Variants in SDHAF2 observed in about 807,000 individuals in gnomAD.
SDHAF2 encodes the protein succinate dehydrogenase assembly factor 2, mitochondrial.
SDHAF2 carries 21 observed loss-of-function variants against 18.5 expected under a neutral mutation model. That is an observed-to-expected ratio of 1.13 (90% CI 0.80 to 1.63). The LOEUF (loss-of-function observed/expected upper bound fraction) is 1.63, where lower values mean the gene tolerates loss of function less well. Ranked by LOEUF, SDHAF2 falls within the 40% of genes most tolerant of loss-of-function variation. The pLI, the probability that SDHAF2 is intolerant of heterozygous loss-of-function variation, is 0.00. For synonymous variants in SDHAF2, 84 were observed against 70.7 expected, an observed-to-expected ratio of 1.19 and a Z score of -0.94; for missense variants, 195 against 200.3, an observed-to-expected ratio of 0.97 and a Z score of 0.16.
At chr11:61,444,660 G>A (rs61897293) in intron 3 of SDHAF2, among the ~76,000 whole-genome samples, 10,283 of 152,204 alleles carry the variant, frequency 0.068, 449 homozygotes, top group Non-Finnish European at 0.098. Flanking sequence ...GGAGAATGGC[G>A]TGAGCCCAGG....
intron 3 of SDHAF2, among the ~76,000 whole-genome samples, chr11:61,443,674 C>T (rs974506361): frequency 6.6e-6 from 1 of 152,154 alleles, no homozygotes; most frequent in Non-Finnish European, 1.5e-5. Flanking sequence ...TGCAGTGGCA[C>T]CCTCTCGGCT....
chr11:61,444,489 CT>C (rs1862112334), intron 3 of SDHAF2: 1 of 152,076 alleles, frequency 6.6e-6, no homozygotes, highest in Non-Finnish European at 1.5e-5. Flanking sequence ...GATCCCAGCA[CT>C]TTGGGAGGCA....
At chr11:61,445,482 A>G (rs945064066) in intron 3 of SDHAF2, among the ~76,000 whole-genome samples, 3 of 152,212 alleles carry the variant, frequency 2.0e-5, no homozygotes, top group African/African-American at 7.2e-5. Flanking sequence ...TGATAGACAA[A>G]GGAGAGAGCT....
chr11:61,438,564 G>A (rs1862026163), intron 3 of SDHAF2, among the ~76,000 whole-genome samples: 1 of 152,158 alleles, frequency 6.6e-6, no homozygotes, highest in South Asian at 2.1e-4. Context: ...TTTTTGTTAA[G>A]TGTACAAAAT....
intron 2 of SDHAF2, 66 bp downstream of exon 2, chr11:61,437,914 A>G: frequency 5.1e-6 from 8 of 1,562,992 alleles, no homozygotes; most frequent in Non-Finnish European, 7.0e-6. Flanking sequence ...GTTCAGAGAG[A>G]CTCCCAGGAG....
chr11:61,439,645 C>G (rs1862039371), intron 3 of SDHAF2, among the ~76,000 whole-genome samples: 4 of 152,212 alleles, frequency 2.6e-5, no homozygotes, highest in Admixed American at 2.6e-4. Context: ...AAGACAGAGT[C>G]TGGAGCCTTA....
Position 61,442,877 on chromosome 11 carries a change from C to T in SDHAF2, c.371-3064C>T, listed in dbSNP as rs529954088. ...CAAGCGATTCTTGTGCCTCAGGCTC[C>T]TGAGCAACTGGGACCACAGGCACGT... On this transcript the variant is annotated intron_variant, in intron 3 of 3. Transcript: ENST00000301761. Among the ~76,000 whole-genome samples the T allele has an allele frequency of 3.3e-5, 5 of 152,320 alleles. No homozygotes were observed. In the East Asian group the frequency reaches 9.6e-4, roughly 29 times the overall value.
At chr11:61,433,230 G>A (rs1019612525) in intron 1 of SDHAF2, 1 of 151,980 alleles carries the variant, frequency 6.6e-6, no homozygotes, top group African/African-American at 2.4e-5. Context: ...AGTAGAGATG[G>A]GGTTTCACTG....
Position 61,438,019 on chromosome 11 carries a change from AC to A in SDHAF2, c.277del (p.His93IlefsTer5), listed in dbSNP as rs1313026088. ...CILLSLFAKE[H>X]LQHMTEKQLN... ...TTGTTTTTAGTCTTTTTGCTAAAGA[AC>A]ATCTGCAGCACATGACAGAAAAGCA... On this transcript the variant is annotated frameshift_variant, in exon 3 of 4. Transcript: ENST00000301761. LOFTEE classifies it high-confidence loss of function. 1 of 1,613,982 alleles carries A rather than the reference AC, an allele frequency of 6.2e-7. No homozygotes were observed. The highest frequency in any genetic ancestry group is 8.5e-7 in the Non-Finnish European group (1 of 1,179,928).
intron 3 of SDHAF2, among the ~76,000 whole-genome samples, chr11:61,443,720 T>A (rs1268263789): frequency 2.6e-5 from 4 of 152,036 alleles, no homozygotes; most frequent in Non-Finnish European, 5.9e-5. Flanking sequence ...CAAGCGATTC[T>A]CCTGCCTCAG....
chr11:61,443,798 G>C (rs544053799), intron 3 of SDHAF2, among the ~76,000 whole-genome samples: 3 of 151,018 alleles, frequency 2.0e-5, no homozygotes, highest in Non-Finnish European at 4.4e-5. Context: ...TTTTTGAGAC[G>C]GAGTCTCACT....
chr11:61,443,935 G>A (rs1277586756), intron 3 of SDHAF2, among the ~76,000 whole-genome samples: 5 of 152,104 alleles, frequency 3.3e-5, no homozygotes, highest in African/African-American at 9.7e-5. Flanking sequence ...CACCACGCCC[G>A]GCTAATTTTT....
At chr11:61,440,717 G>A (rs1018006040) in intron 3 of SDHAF2, among the ~76,000 whole-genome samples, 1 of 152,026 alleles carries the variant, frequency 6.6e-6, no homozygotes, top group South Asian at 2.1e-4. Flanking sequence ...AATATTTTAG[G>A]CTTTGCAGGC....
Position 61,446,115 on chromosome 11 carries a change from T to C in SDHAF2, c.*44T>C. On this transcript the variant is annotated 3_prime_UTR_variant, in exon 4 of 4. Transcript: ENST00000301761. ...GCATGGGGGTTCAGTCTGTGGATGG[T>C]AACTACTTATGATGGACGTTAGCCT... The C allele has an allele frequency of 6.2e-7, 1 of 1,612,388 alleles. No homozygotes were observed. The highest frequency in any genetic ancestry group is 8.5e-7 in the Non-Finnish European group (1 of 1,178,816).
At chr11:61,430,279 C>T in intron 1 of SDHAF2, 97 bp downstream of exon 1, 6 of 1,513,372 alleles carry the variant, frequency 4.0e-6, no homozygotes, top group Non-Finnish European at 5.5e-6. Flanking sequence ...AGTTCGTCTG[C>T]CCGATAGCGC....
chr11:61,430,792 G>C (rs1429527441), intron 1 of SDHAF2: 3 of 151,774 alleles, frequency 2.0e-5, no homozygotes, highest in Non-Finnish European at 4.4e-5. Context: ...TTCCTAGCCT[G>C]CTGTTATAAA....
Position 61,446,021 on chromosome 11 carries a change from C to G in SDHAF2, c.451C>G (p.Gln151Glu), listed in dbSNP as rs370174263. The G allele has an allele frequency of 1.2e-6, 2 of 1,614,022 alleles. No individual in the cohort carries two copies. Among genetic ancestry groups the G allele is most frequent in the African/African-American group, 2.7e-5 (2 of 74,914 alleles). Residue 151 changes from glutamine to glutamate, a missense_variant, in exon 4 of 4, where the codon CAG (glutamine) becomes GAG (glutamate). Coordinates refer to ENST00000301761, the MANE Select transcript of SDHAF2 (RefSeq NM_017841.4). ...RDFAKNKNKE[Q>E]RLRAPDLEYL... Reference sequence around the variant, plus strand: ...CTTTGCTAAAAACAAAAACAAAGAGCAGAGACTGCGTGCCCCAGATCTTGA... The same window carrying G: ...CTTTGCTAAAAACAAAAACAAAGAGGAGAGACTGCGTGCCCCAGATCTTGA...
intron 3 of SDHAF2, among the ~76,000 whole-genome samples, chr11:61,443,177 A>G (rs1321635075): frequency 2.0e-5 from 3 of 152,200 alleles, no homozygotes; most frequent in East Asian, 3.8e-4. Flanking sequence ...TCTTTCCTTG[A>G]TGATGTCAAA....
intron 1 of SDHAF2, 79 bp downstream of exon 1, chr11:61,430,261 T>G: frequency 6.3e-7 from 1 of 1,579,266 alleles, no homozygotes; most frequent in Non-Finnish European, 8.7e-7. Flanking sequence ...GGTCTCTATC[T>G]TGGGGAGAGT....
Sources: allele counts gnomAD v4.1 joint callset (sites outside exome capture counted in the v4.1 genomes callset), GRCh38; gene constraint gnomAD v4.1.1; transcripts MANE v1.5; gene names NCBI Gene and HGNC (gene_info 2026-07-23, HGNC 2026-07-21).